The following KLHL26 variants were observed in gnomAD, a reference collection of about 807,000 sequenced individuals.
KLHL26 encodes kelch-like protein 26.
A neutral mutation model predicts 7.1 loss-of-function variants in KLHL26; 4 were observed. The observed-to-expected ratio is 0.56, with a 90% confidence interval of 0.28 to 1.28. The LOEUF (loss-of-function observed/expected upper bound fraction) is 1.28, where lower values mean the gene tolerates loss of function less well. Among genes scored for constraint, KLHL26 ranks in the 50% most tolerant of loss-of-function variants. KLHL26 has a pLI of 0.11. For synonymous variants in KLHL26, 465 were observed against 414.1 expected (o/e 1.12, Z -1.49); for missense variants, 896 against 924.6 (o/e 0.97, Z 0.40).
At chr19:18,666,705 G>A (rs2052451732) in intron 2 of KLHL26, among the ~76,000 whole-genome samples, 1 of 152,188 alleles carries the variant, frequency 6.6e-6, no homozygotes, top group African/African-American at 2.4e-5. Context: ...GGAGACAGCA[G>A]TCACCCCAGC....
rs1028177560 is a variant in KLHL26 at position 18,650,518 on chromosome 19, C to T, written c.83+13381C>T. ...AGTCCGTCCTGTCCCAGGAGGGCTGCGCTAGGTCTCTCCTCTGGCTCCCCC... is the reference window on the plus strand; with the variant it reads ...AGTCCGTCCTGTCCCAGGAGGGCTGTGCTAGGTCTCTCCTCTGGCTCCCCC... On this transcript the variant is annotated intron_variant, in intron 1 of 2. Transcript: ENST00000300976. This position sits in a 1 kb window ranked among gnomAD's most constrained non-coding sequence, Gnocchi z 4.2. Among the ~76,000 whole-genome samples the T allele has an allele frequency of 3.9e-5, 6 of 152,192 alleles. No homozygotes were observed. The highest frequency in any genetic ancestry group is 2.6e-4 in the Admixed American group (4 of 15,282).
rs1309197280 is a variant in KLHL26 at position 18,670,279 on chromosome 19, CT to C, written c.*1039del. The C allele has an allele frequency of 1.3e-5, 2 of 152,130 alleles. No individual in the cohort carries two copies. Among genetic ancestry groups the C allele is most frequent in the African/African-American group, 2.4e-5 (1 of 41,406 alleles). The allele number at this position is 152,130 out of a possible 1,614,324, so 9.4% of individuals were successfully genotyped here. A position where few individuals can be genotyped will look rare whatever the true frequency, so the allele number is the denominator to read the frequency against. ...TAATGTCTGAACCTCTAAATCTTTT[CT>C]TTTTGATTGGTTTTACTGTTTTTAA... On this transcript the variant is annotated 3_prime_UTR_variant, in exon 3 of 3. Coordinates refer to ENST00000300976, the MANE Select transcript of KLHL26 (RefSeq NM_018316.3).
rs377213774 is a variant in KLHL26 at position 18,652,322 on chromosome 19, G to A, written c.84-11939G>A. 8.5e-5 allele frequency among the ~76,000 whole-genome samples: 13 copies of A among 152,202 alleles called. No homozygotes were observed. The East Asian group carries it at 2.5e-3, about 29-fold the overall frequency. The stretch of plus-strand genomic sequence containing the variant: ...GGGCTCCAGCAGGCCAGGTGCGGTG[G>A]CTCCCGCCTGTAATCCCAGCACTTT... On this transcript the variant is annotated intron_variant, in intron 1 of 2. Transcript: ENST00000300976.
At chr19:18,642,476 T>TA (rs1288559687) in intron 1 of KLHL26, among the ~76,000 whole-genome samples, 7 of 151,658 alleles carry the variant, frequency 4.6e-5, no homozygotes, top group Non-Finnish European at 5.9e-5. Context: ...CTGATTCTCT[T>TA]ACCTCAGCCT....
intron 1 of KLHL26, among the ~76,000 whole-genome samples, chr19:18,654,815 A>G (rs992164170): frequency 2.7e-5 from 4 of 150,336 alleles, no homozygotes; most frequent in African/African-American, 7.4e-5. Flanking sequence ...TCATCTGTCT[A>G]TCTACCGTTT....
At position 18,669,216 on chromosome 19, in the gene KLHL26, C is replaced by G. The variant is rs763287319; in HGVS notation, c.1819C>G (p.Leu607Val). Residue 607 changes from leucine to valine, a missense_variant, in exon 3 of 3, where the codon CTG (leucine) becomes GTG (valine). By Grantham distance (32) the Leu-to-Val change is conservative. Coordinates refer to ENST00000300976, the MANE Select transcript of KLHL26 (RefSeq NM_018316.3). ...SFAGIACAPV[L>V]LPRAGTRR is the part of the protein sequence containing the mutation. ...CGCAGGCATAGCCTGCGCCCCCGTC[C>G]TGCTGCCCCGGGCCGGGACCAGGAG... is the stretch of plus-strand genomic sequence containing the variant. 1.6e-5 allele frequency: 25 copies of G among 1,611,366 alleles called. No individual in the cohort carries two copies.
In KLHL26 at chr19:18,667,793, C is replaced by T. The variant is rs758914925; in HGVS notation, c.396C>T (p.Cys132=). ...YSAEVTLDLD[C]VQDVLGAAVF... Reference sequence around the variant, plus strand: ...CCGAGGTGACACTGGACCTGGACTGCGTGCAGGACGTGCTGGGCGCGGCCG... The same window carrying T: ...CCGAGGTGACACTGGACCTGGACTGTGTGCAGGACGTGCTGGGCGCGGCCG... Residue 132 remains cysteine, a synonymous_variant, in exon 3 of 3, where the codon TGC becomes TGT. Transcript: ENST00000300976. 12 of 1,613,380 alleles carry T rather than the reference C, an allele frequency of 7.4e-6. No individual in the cohort carries two copies. The highest frequency in any genetic ancestry group is 6.7e-5 in the East Asian group (3 of 44,886).
intron 2 of KLHL26, among the ~76,000 whole-genome samples, chr19:18,665,240 T>G (rs1255963772): frequency 6.6e-6 from 1 of 152,064 alleles, no homozygotes; most frequent in Non-Finnish European, 1.5e-5. Flanking sequence ...GTATTTTTAG[T>G]AGAGACGGGG....
intron 1 of KLHL26, among the ~76,000 whole-genome samples, chr19:18,660,410 C>T (rs2052380514): frequency 6.6e-6 from 1 of 152,222 alleles, no homozygotes; most frequent in South Asian, 2.1e-4. Flanking sequence ...GCCGGGGCTG[C>T]TGACGCATTG....
At position 18,649,362 on chromosome 19, in the gene KLHL26, C is replaced by A. The variant is rs1374178370; in HGVS notation, c.83+12225C>A. 6.6e-6 allele frequency among the ~76,000 whole-genome samples: 1 copy of A among 152,184 alleles called. No homozygotes were observed. The highest frequency in any genetic ancestry group is 2.4e-5 in the African/African-American group (1 of 41,454). The stretch of plus-strand genomic sequence containing the variant: ...TCTTCGATGCATACCAGAGGGGAAG[C>A]CTCCTGGCATAGCTCTGCATGCCCA... On this transcript the variant is annotated intron_variant, in intron 1 of 2. Coordinates refer to ENST00000300976, the MANE Select transcript of KLHL26 (RefSeq NM_018316.3). This position sits in a 1 kb window ranked among gnomAD's most constrained non-coding sequence, Gnocchi z 4.0.
At position 18,669,353 on chromosome 19, in the gene KLHL26, C is replaced by T; in HGVS notation, c.*108C>T. Reference sequence around the variant, plus strand: ...CAGTGCCCCCCTTCGCCCGGGCTGCCCTTGAGGGGCCTGCTGCGTTGATAA... The same window carrying T: ...CAGTGCCCCCCTTCGCCCGGGCTGCTCTTGAGGGGCCTGCTGCGTTGATAA... On this transcript the variant is annotated 3_prime_UTR_variant, in exon 3 of 3. Coordinates refer to ENST00000300976, the MANE Select transcript of KLHL26 (RefSeq NM_018316.3). The T allele has an allele frequency of 1.2e-6, 1 of 819,424 alleles. No homozygotes were observed. The highest frequency in any genetic ancestry group is 1.6e-5 in the South Asian group (1 of 61,376). 50.8% of individuals were successfully genotyped at this position (819,424 alleles called of 1,614,324 possible).
At position 18,668,440 on chromosome 19, in the gene KLHL26, A is replaced by G; in HGVS notation, c.1043A>G (p.Glu348Gly). 1 of 1,611,440 alleles carries G rather than the reference A, an allele frequency of 6.2e-7. No homozygotes were observed. The highest frequency in any genetic ancestry group is 8.5e-7 in the Non-Finnish European group (1 of 1,179,722). Residue 348 changes from glutamate (E) to glycine (G), a missense_variant, in exon 3 of 3, where the codon GAG becomes GGG. By Grantham distance (98) the Glu-to-Gly change is moderately conservative (BLOSUM62 -2). Transcript: ENST00000300976. ...ARHFRELTEM[E>G]VGCSHTCVAV... ...CACTTCCGCGAGCTCACGGAGATGG[A>G]GGTAGGCTGCAGCCACACGTGCGTG... is the stretch of plus-strand genomic sequence containing the variant.
Position 18,664,366 on chromosome 19 carries a change from C to T in KLHL26, c.189C>T (p.Leu63=), listed in dbSNP as rs201401579. The change falls in exon 2 of 3, where the codon CTC becomes CTT. Residue 63 remains leucine (L), a synonymous_variant. Coordinates refer to ENST00000300976, the MANE Select transcript of KLHL26 (RefSeq NM_018316.3). ...CCCTCCGCGCTCAGGGCCAGCTCCT[C>T]GATGTTGTGCTGACTATTAACAGAG... is the stretch of plus-strand genomic sequence containing the variant. ...LATLRAQGQL[L]DVVLTINREA... 8.7e-6 allele frequency: 14 copies of T among 1,609,706 alleles called. No homozygotes were observed. Among genetic ancestry groups the T allele is most frequent in the Admixed American group, 3.3e-5 (2 of 59,990 alleles).
At chr19:18,647,590 G>C (rs987488985) in intron 1 of KLHL26, among the ~76,000 whole-genome samples, 1 of 151,568 alleles carries the variant, frequency 6.6e-6, no homozygotes, top group African/African-American at 2.4e-5. Context: ...AGAGGGAGGA[G>C]GAGGAAGAGG....
intron 1 of KLHL26, among the ~76,000 whole-genome samples, chr19:18,658,917 CTCTG>C (rs1185048426): frequency 6.7e-6 from 1 of 150,040 alleles, no homozygotes; most frequent in Non-Finnish European, 1.5e-5. Flanking sequence ...CTCTCTGGGT[CTCTG>C]TCTGTCCCCC....
At position 18,637,525 on chromosome 19, in the gene KLHL26, G is replaced by A. The variant is rs898676047; in HGVS notation, c.83+388G>A. Among the ~76,000 whole-genome samples the A allele has an allele frequency of 6.6e-5, 10 of 152,132 alleles. No homozygotes were observed. In the South Asian group the frequency reaches 1.9e-3, roughly 28 times the overall value. On this transcript the variant is annotated intron_variant, in intron 1 of 2. Coordinates refer to ENST00000300976, the MANE Select transcript of KLHL26 (RefSeq NM_018316.3). The stretch of plus-strand genomic sequence containing the variant: ...AGTCTGAGGGTGGTGAGGTGTCTTG[G>A]GGGCTCTGAGGAAGGGGCTAAGGCC...
chr19:18,657,654 G>A (rs2052348197), intron 1 of KLHL26, among the ~76,000 whole-genome samples: 1 of 152,128 alleles, frequency 6.6e-6, no homozygotes, highest in Non-Finnish European at 1.5e-5. Flanking sequence ...ACTGCGGTGG[G>A]GCCCTGCACC....
At chr19:18,662,163 A>G (rs1600705024) in intron 1 of KLHL26, among the ~76,000 whole-genome samples, 1 of 152,166 alleles carries the variant, frequency 6.6e-6, no homozygotes, top group African/African-American at 2.4e-5. Context: ...TCTGATGAAA[A>G]TGTACACATG....
chr19:18,666,702 G>A (rs1046222892), intron 2 of KLHL26, among the ~76,000 whole-genome samples: 1 of 152,196 alleles, frequency 6.6e-6, no homozygotes, highest in Non-Finnish European at 1.5e-5. Context: ...TCTGGAGACA[G>A]CAGTCACCCC....
Sources: allele counts gnomAD v4.1 joint callset (sites outside exome capture counted in the v4.1 genomes callset), GRCh38; gene constraint gnomAD v4.1.1; non-coding constraint Gnocchi (gnomAD v3.1); transcripts MANE v1.5; gene names NCBI Gene and HGNC (gene_info 2026-07-23, HGNC 2026-07-21).